The following DPYD variants were observed in gnomAD, a reference collection of about 807,000 sequenced individuals.
DPYD encodes the protein dihydropyrimidine dehydrogenase [NADP(+)].
Under a neutral mutation model 116.2 loss-of-function variants are expected in DPYD, and 109 were observed. That is an observed-to-expected ratio of 0.94 (90% CI 0.80 to 1.10). DPYD has a LOEUF of 1.10. Ranked by LOEUF, DPYD falls within the 50% of genes least tolerant of loss-of-function variation. The pLI is 0.00. For synonymous variants in DPYD, 440 were observed against 432.0 expected (o/e 1.02, Z -0.23); for missense variants, 1,302 against 1,254.5 (o/e 1.04, Z -0.57).
intron 2 of DPYD, among the ~76,000 whole-genome samples, chr1:97,833,045 A>T (rs564117951): frequency 6.6e-6 from 1 of 152,074 alleles, no homozygotes; most frequent in Non-Finnish European, 1.5e-5. Flanking sequence ...TAAATAAAAC[A>T]AATCACTGAT....
chr1:97,344,612 CACT>C (rs1222658398), intron 16 of DPYD, among the ~76,000 whole-genome samples: 21 of 151,694 alleles, frequency 1.4e-4, no homozygotes, highest in Non-Finnish European at 2.2e-4. Flanking sequence ...CACACACACA[CACT>C]ACATTGATAT....
At chr1:97,351,466 A>G (rs2101329480) in intron 16 of DPYD, among the ~76,000 whole-genome samples, 2 of 152,260 alleles carry the variant, frequency 1.3e-5, no homozygotes, top group East Asian at 3.9e-4. Context: ...CAAAGTGGCA[A>G]GAAAAGAAAA....
intron 14 of DPYD, among the ~76,000 whole-genome samples, chr1:97,389,662 T>C (rs1672567361): frequency 6.6e-6 from 1 of 152,100 alleles, no homozygotes; most frequent in African/African-American, 2.4e-5. Flanking sequence ...GAGTATTTAA[T>C]AGTTTTGACT....
At chr1:97,638,409 C>A (rs1272742414) in intron 8 of DPYD, among the ~76,000 whole-genome samples, 1 of 151,982 alleles carries the variant, frequency 6.6e-6, no homozygotes, top group Non-Finnish European at 1.5e-5. Context: ...ATTATGTCAC[C>A]TAGGAGAAGC....
intron 3 of DPYD, among the ~76,000 whole-genome samples, chr1:97,819,090 T>C (rs555296674): frequency 1.3e-5 from 2 of 152,150 alleles, no homozygotes; most frequent in South Asian, 4.1e-4. Context: ...CTCATCCTGA[T>C]TGACTTCCTC....
chr1:97,121,993 A>G (rs1652477131), intron 20 of DPYD, among the ~76,000 whole-genome samples: 4 of 152,168 alleles, frequency 2.6e-5, no homozygotes, highest in Admixed American at 2.0e-4. Context: ...GGAATGTATT[A>G]TCATGGGAAA....
intron 2 of DPYD, chr1:97,855,127 GC>G (rs1670755821): frequency 6.6e-6 from 1 of 152,242 alleles, no homozygotes; most frequent in South Asian, 2.1e-4. Context: ...TGTCCTCATT[GC>G]CAGGCACTTG....
chr1:97,444,257 C>A (rs2101770685), intron 14 of DPYD, among the ~76,000 whole-genome samples: 1 of 152,206 alleles, frequency 6.6e-6, no homozygotes, highest in South Asian at 2.1e-4. Flanking sequence ...ATTTCTCAGG[C>A]TACTTAGGGC....
intron 20 of DPYD, among the ~76,000 whole-genome samples, chr1:97,145,863 G>A (rs1654587360): frequency 6.6e-6 from 1 of 151,598 alleles, no homozygotes; most frequent in Admixed American, 6.6e-5. Flanking sequence ...GGCCCTGCTG[G>A]TGCCAGGGAG....
intron 18 of DPYD, chr1:97,296,039 C>A (rs1206117244): frequency 3.3e-5 from 5 of 152,198 alleles, no homozygotes; most frequent in Admixed American, 6.5e-5. Flanking sequence ...TCTGTCTCAA[C>A]TCCTCTGTTT....
intron 13 of DPYD, among the ~76,000 whole-genome samples, chr1:97,468,700 A>G (rs573851045): frequency 6.6e-6 from 1 of 152,322 alleles, no homozygotes; most frequent in East Asian, 1.9e-4. Context: ...GGGAGGCTGG[A>G]TTTGACCCAC....
intron 5 of DPYD, among the ~76,000 whole-genome samples, chr1:97,710,503 T>G (rs1662222107): frequency 6.6e-6 from 1 of 152,016 alleles, no homozygotes; most frequent in Middle Eastern, 3.4e-3. Context: ...AAAAACTTCA[T>G]GTAATGTCAA....
intron 8 of DPYD, among the ~76,000 whole-genome samples, chr1:97,634,711 A>G (rs1425733686): frequency 5.9e-5 from 9 of 152,062 alleles, no homozygotes; most frequent in Admixed American, 5.9e-4. Flanking sequence ...ACACTATTTG[A>G]AAAAATTGTA....
intron 18 of DPYD, among the ~76,000 whole-genome samples, chr1:97,277,373 T>TAA (rs548859899): frequency 7.0e-6 from 1 of 142,816 alleles, no homozygotes. Flanking sequence ...GAGTTGAAAT[T>TAA]AAAAAAAAAA....
At chr1:97,096,962 C>A (rs904583079) in intron 21 of DPYD, among the ~76,000 whole-genome samples, 1 of 152,130 alleles carries the variant, frequency 6.6e-6, no homozygotes, top group Non-Finnish European at 1.5e-5. Flanking sequence ...AGACCATGAA[C>A]CCCTGGGCAG....
rs184592906 is a variant in DPYD at position 97,747,481 on chromosome 1, T to C, written c.234-7002A>G. On this transcript the variant is annotated intron_variant, in intron 3 of 22. Coordinates refer to ENST00000370192, the MANE Select transcript of DPYD (RefSeq NM_000110.4). Reference sequence around the variant, plus strand: ...GATGGTGGGGATTGAGAGTATGTACTTAAAGGGATTGAGGAAGATGGCAAG... The same window carrying C: ...GATGGTGGGGATTGAGAGTATGTACCTAAAGGGATTGAGGAAGATGGCAAG... 6.6e-5 allele frequency among the ~76,000 whole-genome samples: 10 copies of C among 152,274 alleles called. No individual in the cohort carries two copies. The East Asian group carries it at 1.9e-3, about 29-fold the overall frequency.
chr1:97,704,457 A>G lies in DPYD; in HGVS notation c.484-4910T>C, dbSNP rs187318069. Among the ~76,000 whole-genome samples the G allele has an allele frequency of 3.4e-3, 524 of 152,176 alleles. 3 individuals carry two copies. The highest frequency in any genetic ancestry group is 0.018 in the South Asian group (86 of 4,830). ...GGTTAACTTAATTTTGTTAAATTTA[A>G]AAATAAAAGTTTACAAAAGTTAGTT... On this transcript the variant is annotated intron_variant, in intron 5 of 22. Transcript: ENST00000370192.
Position 97,098,753 on chromosome 1 carries a change from C to T in DPYD, c.2623-121G>A, listed in dbSNP as rs771055121. 15 of 1,163,838 alleles carry T rather than the reference C, an allele frequency of 1.3e-5. No homozygotes were observed. In the Admixed American group the frequency reaches 2.2e-4, roughly 17 times the overall value. The allele number at this position is 1,163,838 out of a possible 1,614,324, so 72.1% of individuals were successfully genotyped here. A position where few individuals can be genotyped will look rare whatever the true frequency, so the allele number is the denominator to read the frequency against. ...GTGTCTAGGGATTGTTTCATGTATA[C>T]TGTAACTAGGTCTTCACTCATTGTT... On this transcript the variant is annotated intron_variant, in intron 20 of 22. Transcript: ENST00000370192.
chr1:97,139,759 C>T lies in DPYD; in HGVS notation c.2623-41127G>A, dbSNP rs190739128. Reference sequence around the variant, plus strand: ...GGAATGTTGGCAAATCTCCTTCTTTCTAAAGGTGGATCAGGCAGGACTTGG... The same window carrying T: ...GGAATGTTGGCAAATCTCCTTCTTTTTAAAGGTGGATCAGGCAGGACTTGG... On this transcript the variant is annotated intron_variant, in intron 20 of 22. Transcript: ENST00000370192. 1.1e-4 allele frequency among the ~76,000 whole-genome samples: 16 copies of T among 152,260 alleles called. 1 individual carries two copies. Among genetic ancestry groups the T allele is most frequent in the Admixed American group, 8.5e-4 (13 of 15,282 alleles).
Sources: gnomAD v4.1 joint callset for allele counts (sites outside exome capture counted in the v4.1 genomes callset) on GRCh38, gnomAD v4.1.1 for gene constraint, MANE v1.5 for transcripts, NCBI Gene and HGNC (gene_info 2026-07-23, HGNC 2026-07-21) for gene names.